The following RPS6KA3 variants were observed in gnomAD, a reference collection of about 807,000 sequenced individuals.
RPS6KA3 encodes ribosomal protein S6 kinase A3.
A neutral mutation model predicts 67.2 loss-of-function variants in RPS6KA3; 4 were observed. The observed-to-expected ratio is 0.06, with a 90% CI of 0.03 to 0.14. The LOEUF is 0.14. RPS6KA3 is among the 10% of genes least tolerant of loss of function. RPS6KA3 has a pLI of 1.00. For synonymous variants in RPS6KA3, 182 were observed against 183.7 expected (o/e 0.99, Z 0.07); for missense variants, 204 against 559.0 (o/e 0.36, Z 6.40).
At chrX:20,247,513 G>A (rs1411466342) in intron 1 of RPS6KA3, among the ~76,000 whole-genome samples, 10 of 111,999 alleles carry the variant, frequency 8.9e-5, no homozygotes, top group African/African-American at 1.6e-4. Context: ...GAGGCCGGGC[G>A]CGGTGGCTCA....
chrX:20,176,507 A>C lies in RPS6KA3; in HGVS notation c.935-9T>G, dbSNP rs756296534. 10 of 1,154,932 alleles carry C rather than the reference A, an allele frequency of 8.7e-6. No individual in the cohort carries two copies. The South Asian group carries it at 1.8e-4, about 21-fold the overall frequency. On this transcript the variant is annotated splice_polypyrimidine_tract_variant and intron_variant, in intron 11 of 21. Transcript: ENST00000379565. ...TCCATCTGGTCCTGCACCTATCAAA[A>C]ATGGATTCACTGATAATTTTATTTC...
At chrX:20,210,085 T>C (rs895542393) in intron 2 of RPS6KA3, among the ~76,000 whole-genome samples, 13 of 112,131 alleles carry the variant, frequency 1.2e-4, no homozygotes, top group African/African-American at 4.2e-4. Flanking sequence ...TTCAGCATGA[T>C]GGAACAGTGA....
At chrX:20,189,076 C>T (rs1237773635) in intron 7 of RPS6KA3, among the ~76,000 whole-genome samples, 2 of 111,957 alleles carry the variant, frequency 1.8e-5, no homozygotes, top group African/African-American at 3.2e-5. Flanking sequence ...CACTGCGTGC[C>T]CAGCTCTCTT....
chrX:20,187,241 CAG>C (rs1721043470), intron 9 of RPS6KA3, among the ~76,000 whole-genome samples: 1 of 108,592 alleles, frequency 9.2e-6, no homozygotes, highest in Non-Finnish European at 1.9e-5. Context: ...TTTTTTGAGA[CAG>C]AGTCTCGCTC....
In RPS6KA3 at chrX:20,172,932, G is replaced by A. The variant is rs189891181; in HGVS notation, c.1228-61C>T. 151 of 1,036,411 alleles carry A rather than the reference G, an allele frequency of 1.5e-4. 1 individual carries two copies. The East Asian group carries it at 3.7e-3, about 26-fold the overall frequency. 85.4% of individuals were successfully genotyped at this position (1,036,411 alleles called of 1,213,427 possible). A position where few individuals can be genotyped will look rare whatever the true frequency, so the allele number is the denominator to read the frequency against. On this transcript the variant is annotated intron_variant, in intron 14 of 21. Transcript: ENST00000379565. The stretch of plus-strand genomic sequence containing the variant: ...ATGCCTTTAGTGCATTTTATAATAG[G>A]GAAGTATGTTACTCAGCATGCATTG...
chrX:20,203,740 TG>T (rs1183101362), intron 4 of RPS6KA3: 1 of 251,689 alleles, frequency 4.0e-6, no homozygotes, highest in African/African-American at 2.8e-5. Context: ...TATATAAATT[TG>T]AAGATGAATC....
intron 2 of RPS6KA3, among the ~76,000 whole-genome samples, chrX:20,228,873 C>G (rs1788156104): frequency 8.9e-6 from 1 of 111,957 alleles, no homozygotes; most frequent in South Asian, 3.7e-4. Context: ...TTCTTATTCT[C>G]CTTGTTGTTT....
At chrX:20,228,332 A>T (rs2069173888) in intron 2 of RPS6KA3, among the ~76,000 whole-genome samples, 1 of 111,901 alleles carries the variant, frequency 8.9e-6, no homozygotes, top group African/African-American at 3.3e-5. Context: ...CTAGCCAACC[A>T]GGCAGCTTTT....
rs917508899 is a variant in RPS6KA3 at position 20,185,013 on chromosome X, T to C, written c.845+1283A>G. 4.5e-5 allele frequency among the ~76,000 whole-genome samples: 5 copies of C among 111,346 alleles called. No homozygotes were observed. In the East Asian group the frequency reaches 1.4e-3, roughly 31 times the overall value. On this transcript the variant is annotated intron_variant, in intron 10 of 21. Coordinates refer to ENST00000379565, the MANE Select transcript of RPS6KA3 (RefSeq NM_004586.3). ...CAGGCTGGAGTGCAGTGGCATGATC[T>C]TGGCGCACTGCAACCTCTGCCTCCC... is the stretch of plus-strand genomic sequence containing the variant.
At chrX:20,191,391 T>C (rs778034254) in intron 7 of RPS6KA3, among the ~76,000 whole-genome samples, 29 of 111,701 alleles carry the variant, frequency 2.6e-4, no homozygotes, top group Non-Finnish European at 4.9e-4. Flanking sequence ...TACATGGTAA[T>C]GGGATTGCTG....
intron 2 of RPS6KA3, among the ~76,000 whole-genome samples, chrX:20,232,743 C>G (rs1012858590): frequency 8.9e-6 from 1 of 111,917 alleles, no homozygotes; most frequent in Non-Finnish European, 1.9e-5. Context: ...AAGGAGACAA[C>G]AAGTAACCCC....
intron 3 of RPS6KA3, 88 bp from the exon 4 acceptor site, chrX:20,204,191 T>C (rs1303903562): frequency 9.1e-6 from 5 of 551,704 alleles, no homozygotes; most frequent in Non-Finnish European, 1.5e-5. Context: ...TACAGTTTAT[T>C]ATTATAATAT....
rs183790393 is a variant in RPS6KA3, at chrX:20,189,490, A to C, written c.594-956T>G. ...TGAGCTCACTGGGTCATGATAAAGA[A>C]CAACTGGAGAATGACACTCAGGTTT... On this transcript the variant is annotated intron_variant, in intron 7 of 21. Transcript: ENST00000379565. 2.1e-3 allele frequency among the ~76,000 whole-genome samples: 235 copies of C among 112,266 alleles called. 1 individual carries two copies. Among genetic ancestry groups the C allele is most frequent in the African/African-American group, 7.5e-3 (231 of 30,930 alleles).
intron 2 of RPS6KA3, among the ~76,000 whole-genome samples, chrX:20,213,787 T>C (rs56969858): frequency 7.9e-4 from 87 of 110,231 alleles, no homozygotes; most frequent in African/African-American, 2.8e-3. Flanking sequence ...AAATCCTTCA[T>C]GCTCTCTCTA....
intron 16 of RPS6KA3, among the ~76,000 whole-genome samples, chrX:20,168,371 G>C (rs772048820): frequency 9.0e-6 from 1 of 111,585 alleles, no homozygotes; most frequent in Admixed American, 9.6e-5. Context: ...TGGCAACTGA[G>C]GGAACTATAA....
At position 20,153,236 on chromosome X, in the gene RPS6KA3, GCT is replaced by G. The variant is rs1251856924; in HGVS notation, c.*2160_*2161del. 1.3e-4 allele frequency: 14 copies of G among 111,800 alleles called. No homozygotes were observed. Among genetic ancestry groups the G allele is most frequent in the African/African-American group, 4.5e-4 (14 of 30,779 alleles). The allele number at this position is 111,800 out of a possible 1,213,427, so 9.2% of individuals were successfully genotyped here. On this transcript the variant is annotated 3_prime_UTR_variant, in exon 22 of 22. Coordinates refer to ENST00000379565, the MANE Select transcript of RPS6KA3 (RefSeq NM_004586.3). The stretch of plus-strand genomic sequence containing the variant: ...AACACTGAATAGAGGAGGGAAAAAA[GCT>G]CTCTTTCCAGGCAATGGAAAGCAGC...
At chrX:20,265,067 CCTTT>C (rs1406531989) in intron 1 of RPS6KA3, among the ~76,000 whole-genome samples, 1 of 111,616 alleles carries the variant, frequency 9.0e-6, no homozygotes, top group Non-Finnish European at 1.9e-5. Context: ...AACATGATTT[CCTTT>C]CTTTCTTTCC....
At chrX:20,256,172 C>CAAAAAAAAAAAAAAAAAAAAAAAAAAAA (rs35947983) in intron 1 of RPS6KA3, among the ~76,000 whole-genome samples, 1 of 14,471 alleles carries the variant, frequency 6.9e-5, no homozygotes, top group Non-Finnish European at 1.2e-4. Flanking sequence ...GACACCGTCT[C>CAAAAAAAAAAAAAAAAAAAAAAAAAAAA]AAAAAAAAAA....
At chrX:20,217,211 T>C (rs1048952631) in intron 2 of RPS6KA3, among the ~76,000 whole-genome samples, 1 of 112,015 alleles carries the variant, frequency 8.9e-6, no homozygotes, top group East Asian at 2.8e-4. Context: ...CGTCCTTAGG[T>C]TTATACCTCA....
Sources: gnomAD v4.1 joint callset for allele counts (sites outside exome capture counted in the v4.1 genomes callset) on GRCh38, gnomAD v4.1.1 for gene constraint, MANE v1.5 for transcripts, NCBI Gene and HGNC (gene_info 2026-07-23, HGNC 2026-07-21) for gene names.